The following DCAF6 variants were observed in gnomAD, a reference collection of about 807,000 sequenced individuals.
DCAF6 encodes the protein DDB1 and CUL4 associated factor 6.
Under a neutral mutation model 125.1 loss-of-function variants are expected in DCAF6, and 54 were observed. The observed-to-expected ratio is 0.43, with a 90% CI of 0.35 to 0.54. DCAF6 has a LOEUF of 0.54. Among genes scored for constraint, DCAF6 ranks in the 20% least tolerant of loss-of-function variants. The pLI is 0.01. For missense variants in DCAF6, 934 were observed against 1,161.7 expected (o/e 0.80, Z 2.85); for synonymous variants, 371 against 390.4 (o/e 0.95, Z 0.58).
chr1:168,068,013 T>C (rs1692563704), intron 20 of DCAF6, among the ~76,000 whole-genome samples: 1 of 152,210 alleles, frequency 6.6e-6, no homozygotes, highest in Admixed American at 6.5e-5. Flanking sequence ...AAGTTATCAG[T>C]TCTCCTATAG....
At chr1:167,903,883 T>C in the DCAF6 span, 3 of 1,603,096 alleles carry the variant, frequency 1.9e-6, no homozygotes, top group Non-Finnish European at 2.6e-6. Context: ...ATGGGAACAC[T>C]TACTCTCCAC....
intron 3 of DCAF6, among the ~76,000 whole-genome samples, chr1:167,968,325 G>C (rs915201517): frequency 4.6e-5 from 7 of 152,030 alleles, no homozygotes; most frequent in Non-Finnish European, 1.0e-4. Context: ...CTGGGACTGA[G>C]ATAAACCACT....
the DCAF6 span, chr1:167,883,523 G>T: frequency 2.5e-6 from 4 of 1,614,174 alleles, no homozygotes; most frequent in Non-Finnish European, 3.4e-6. Context: ...TGGATGGCTG[G>T]GCCTATCTCT....
At chr1:167,974,107 C>A (rs929310628) in intron 3 of DCAF6, among the ~76,000 whole-genome samples, 1 of 151,954 alleles carries the variant, frequency 6.6e-6, no homozygotes, top group Non-Finnish European at 1.5e-5. Flanking sequence ...AGCATAATTT[C>A]AATTTGCATT....
At chr1:168,014,708 CT>C (rs1557978950) in intron 10 of DCAF6, among the ~76,000 whole-genome samples, 1 of 152,218 alleles carries the variant, frequency 6.6e-6, no homozygotes, top group Non-Finnish European at 1.5e-5. Flanking sequence ...GCAAATTCTA[CT>C]GCTTTTACCT....
At chr1:167,985,211 G>GGTGTGT (rs35325315) in intron 4 of DCAF6, among the ~76,000 whole-genome samples, 4 of 134,326 alleles carry the variant, frequency 3.0e-5, no homozygotes, top group Non-Finnish European at 6.5e-5. Flanking sequence ...GTGTGTGTGT[G>GGTGTGT]GTGTGTGTGT....
intron 7 of DCAF6, among the ~76,000 whole-genome samples, chr1:167,995,679 C>CAAAAAAAAAAA (rs1681556438): frequency 8.0e-6 from 1 of 124,772 alleles, no homozygotes. Context: ...AACTCAGTCT[C>CAAAAAAAAAAA]AGAAAAAAAA....
At chr1:167,874,750 T>C in the DCAF6 span, among the ~76,000 whole-genome samples, 1 of 152,208 alleles carries the variant, frequency 6.6e-6, no homozygotes, top group African/African-American at 2.4e-5. Context: ...TAAATTGTTG[T>C]ATATTTATAA....
intron 21 of DCAF6, among the ~76,000 whole-genome samples, chr1:168,074,500 G>T (rs61809576): frequency 0.086 from 13,070 of 151,938 alleles, 674 homozygotes; most frequent in South Asian, 0.16. Flanking sequence ...AACCTTCATT[G>T]AACATCCTAT....
the DCAF6 span, chr1:167,904,082 CTTTTTT>C: frequency 3.7e-4 from 134 of 363,362 alleles, no homozygotes; most frequent in Middle Eastern, 8.6e-4. Context: ...CGGGCCTCAG[CTTTTTT>C]TTTTTTTTTT....
intron 17 of DCAF6, among the ~76,000 whole-genome samples, chr1:168,062,569 C>T (rs1282514983): frequency 6.6e-6 from 1 of 151,984 alleles, no homozygotes; most frequent in Non-Finnish European, 1.5e-5. Flanking sequence ...ATTAGTGAGA[C>T]TGAGCATCTT....
chr1:168,057,562 A>G lies in DCAF6; in HGVS notation c.2301-6059A>G, dbSNP rs545713796. Among the ~76,000 whole-genome samples, 16 of 152,196 alleles carry G rather than the reference A, an allele frequency of 1.1e-4. No individual in the cohort carries two copies. In the South Asian group the frequency reaches 1.2e-3, roughly 12 times the overall value. On this transcript the variant is annotated intron_variant, in intron 17 of 21. Transcript: ENST00000367840. ...TTGCTTTGAAATTGCTGGATAATCA[A>G]TTTTTTACCTATTATTTTGTTACTT...
chr1:167,882,521 C>G, the DCAF6 span, among the ~76,000 whole-genome samples: 14,455 of 149,232 alleles, frequency 0.097, 881 homozygotes, highest in African/African-American at 0.16. Flanking sequence ...AGCGAAAACA[C>G]CTGGGAGCCA....
At chr1:167,930,705 A>G in the DCAF6 span, among the ~76,000 whole-genome samples, 1 of 152,234 alleles carries the variant, frequency 6.6e-6, no homozygotes, top group Non-Finnish European at 1.5e-5. Flanking sequence ...AGCAACGACT[A>G]GAACACAGTT....
the DCAF6 span, among the ~76,000 whole-genome samples, chr1:167,900,302 CCT>C: frequency 3.3e-5 from 5 of 152,216 alleles, no homozygotes; most frequent in East Asian, 7.7e-4. Flanking sequence ...CTGACTCCCC[CCT>C]GATTCTACAT....
In DCAF6 at chr1:168,033,304, CTTTTTTTTT is replaced by C. The variant is rs200401545; in HGVS notation, c.1610-5053_1610-5045del. Among the ~76,000 whole-genome samples, 178 of 119,764 alleles carry C rather than the reference CTTTTTTTTT, an allele frequency of 1.5e-3. 1 individual carries two copies. Among genetic ancestry groups the C allele is most frequent in the Admixed American group, 0.012 (139 of 11,916 alleles). The allele number at this position is 119,764 out of a possible 152,430, so 78.6% of individuals were successfully genotyped here. ...CTCTAGTAGCATTTCTGAAAAGGAT[CTTTTTTTTT>C]TTTTTTTTTTTTTGAGACGGAGTCT... is the stretch of plus-strand genomic sequence containing the variant. On this transcript the variant is annotated intron_variant, in intron 12 of 21. Coordinates refer to ENST00000367840, the MANE Select transcript of DCAF6 (RefSeq NM_001198956.2).
At chr1:167,978,966 A>G (rs535911383) in intron 4 of DCAF6, among the ~76,000 whole-genome samples, 17 of 152,250 alleles carry the variant, frequency 1.1e-4, no homozygotes, top group African/African-American at 4.1e-4. Context: ...GAAGAAAAGT[A>G]TTTAATGTTG....
the DCAF6 span, among the ~76,000 whole-genome samples, chr1:167,918,990 G>A: frequency 6.6e-6 from 1 of 152,218 alleles, no homozygotes; most frequent in Non-Finnish European, 1.5e-5. Flanking sequence ...ACAAGAACGT[G>A]ACAAACTTGT....
intron 4 of DCAF6, among the ~76,000 whole-genome samples, chr1:167,985,211 GGT>G (rs35325315): frequency 5.0e-4 from 67 of 134,406 alleles, no homozygotes; most frequent in South Asian, 2.6e-3. Flanking sequence ...GTGTGTGTGT[GGT>G]GTGTGTGTGT....
Sources: gnomAD v4.1 joint callset for allele counts (sites outside exome capture counted in the v4.1 genomes callset) on GRCh38, gnomAD v4.1.1 for gene constraint, MANE v1.5 for transcripts, NCBI Gene and HGNC (gene_info 2026-07-23, HGNC 2026-07-21) for gene names.